CFAP47: variants seen among roughly 807,000 people sequenced by gnomAD.
CFAP47 encodes cilia and flagella associated protein 47.
In CFAP47, 29 loss-of-function variants were observed where a neutral mutation model predicts 148.1. The ratio of observed to expected loss-of-function variants is 0.20; its 90% confidence interval spans 0.15 to 0.27. CFAP47 has a LOEUF of 0.27. Among genes scored for constraint, CFAP47 ranks in the 10% least tolerant of loss-of-function variants. The probability of loss-of-function intolerance (pLI) is 1.00; values close to 1 mark genes in which losing one functional copy is unlikely to be tolerated. For missense variants in CFAP47, 1,872 were observed against 1,697.5 expected, an observed-to-expected ratio of 1.10 and a Z score of -1.81; for synonymous variants, 664 against 577.3, an observed-to-expected ratio of 1.15 and a Z score of -2.15.
chrX:35,986,791 T>C (rs753851340), intron 15 of CFAP47, among the ~76,000 whole-genome samples: 1 of 111,441 alleles, frequency 9.0e-6, no homozygotes, highest in African/African-American at 3.3e-5. Context: ...GATGGAGTTT[T>C]TGTGTGGACG....
At chrX:36,042,107 A>G (rs899620725) in intron 25 of CFAP47, among the ~76,000 whole-genome samples, 1 of 111,207 alleles carries the variant, frequency 9.0e-6, no homozygotes, top group Non-Finnish European at 1.9e-5. Context: ...TAATTTTTAA[A>G]TCATTCATGG....
At chrX:36,018,690 T>A (rs1601933570) in intron 22 of CFAP47, among the ~76,000 whole-genome samples, 1 of 112,272 alleles carries the variant, frequency 8.9e-6, no homozygotes, top group East Asian at 2.8e-4. Flanking sequence ...CAGGGATAAA[T>A]CCCACTTGGT....
At chrX:35,956,234 C>T (rs1269043824) in intron 8 of CFAP47, 38 bp downstream of exon 8, 2 of 1,021,565 alleles carry the variant, frequency 2.0e-6, no homozygotes, top group African/African-American at 1.9e-5. Flanking sequence ...TGGCAGCTAA[C>T]ATTTTAAGGT....
In CFAP47 at chrX:36,366,968, C is replaced by T. The variant is rs183168731; in HGVS notation, c.9026C>T (p.Ser3009Phe). Residue 3009 changes from serine to phenylalanine, a missense_variant and splice_region_variant, in exon 62 of 64, where the codon TCT (serine) becomes TTT (phenylalanine). Coordinates refer to ENST00000378653, the MANE Select transcript of CFAP47 (RefSeq NM_001304548.2). The stretch of plus-strand genomic sequence containing the variant: ...TAAAATCTCCTTTTATATTCAAGGT[C>T]TCACATAACACTGAAAATAGAGTGC... ...LVFTPKKPLR[S>F]HITLKIECVT... is the part of the protein sequence containing the mutation. 3.6e-6 allele frequency: 4 copies of T among 1,116,169 alleles called. No homozygotes were observed. The highest frequency in any genetic ancestry group is 4.7e-6 in the Non-Finnish European group (4 of 845,845). 92.0% of individuals were successfully genotyped at this position (1,116,169 alleles called of 1,213,427 possible). A position where few individuals can be genotyped will look rare whatever the true frequency, so the allele number is the denominator to read the frequency against.
rs1391549248 is a variant in CFAP47 at position 36,274,933 on chromosome X, G to A, written c.7445-5554G>A. On this transcript the variant is annotated intron_variant, in intron 49 of 63. Transcript: ENST00000378653. ...TCTGATCTTAGAGGAAGAGCTTTCTGTCTTATACCTTACATATGATGTTAC... is the reference window on the plus strand; with the variant it reads ...TCTGATCTTAGAGGAAGAGCTTTCTATCTTATACCTTACATATGATGTTAC... Among the ~76,000 whole-genome samples the A allele has an allele frequency of 2.7e-5, 3 of 111,665 alleles. No individual in the cohort carries two copies. The East Asian group carries it at 8.4e-4, about 31-fold the overall frequency.
intron 63 of CFAP47, among the ~76,000 whole-genome samples, chrX:36,382,853 A>G (rs1301503089): frequency 9.0e-6 from 1 of 111,449 alleles, no homozygotes; most frequent in Non-Finnish European, 1.9e-5. Context: ...TGTTAGTAAT[A>G]TGGAAGTATT....
chrX:36,187,986 T>C (rs1244778869), intron 40 of CFAP47, among the ~76,000 whole-genome samples: 2 of 111,763 alleles, frequency 1.8e-5, no homozygotes, highest in African/African-American at 6.5e-5. Flanking sequence ...AAAATAGTAA[T>C]TGACAGCTTA....
intron 19 of CFAP47, among the ~76,000 whole-genome samples, chrX:35,998,720 T>C (rs1305542021): frequency 9.0e-6 from 1 of 111,686 alleles, no homozygotes; most frequent in Non-Finnish European, 1.9e-5. Flanking sequence ...CCAGGTAGAC[T>C]GACAAATACT....
At chrX:36,288,999 CTT>C (rs34230885) in intron 51 of CFAP47, among the ~76,000 whole-genome samples, 76 of 66,431 alleles carry the variant, frequency 1.1e-3, no homozygotes, top group African/African-American at 4.3e-3. Flanking sequence ...TTCTTTCATC[CTT>C]TTTTTTTTTT....
chrX:36,314,017 A>G (rs1247853867), intron 56 of CFAP47, among the ~76,000 whole-genome samples: 1 of 111,648 alleles, frequency 9.0e-6, no homozygotes, highest in African/African-American at 3.3e-5. Flanking sequence ...AAAATACCCA[A>G]ATTTCTAAAA....
intron 40 of CFAP47, among the ~76,000 whole-genome samples, chrX:36,184,988 T>C (rs373094588): frequency 2.5e-4 from 28 of 111,594 alleles, no homozygotes; most frequent in South Asian, 1.1e-3. Context: ...TTAAAATATT[T>C]CTTTTTACTA....
At chrX:36,275,124 G>T (rs1023730260) in intron 49 of CFAP47, among the ~76,000 whole-genome samples, 6 of 109,205 alleles carry the variant, frequency 5.5e-5, no homozygotes, top group African/African-American at 2.0e-4. Flanking sequence ...GTCTCACTCT[G>T]TCCTCAGGCT....
At chrX:36,184,226 T>C (rs1939781551) in intron 40 of CFAP47, among the ~76,000 whole-genome samples, 1 of 111,847 alleles carries the variant, frequency 8.9e-6, no homozygotes, top group East Asian at 2.8e-4. Context: ...AAAAGTATTT[T>C]GGTATTTTCT....
intron 13 of CFAP47, among the ~76,000 whole-genome samples, chrX:35,972,332 C>T (rs945275815): frequency 1.0e-4 from 11 of 110,446 alleles, no homozygotes; most frequent in Admixed American, 8.7e-4. Flanking sequence ...CGGGTTCAAG[C>T]GATTCTCCTG....
At chrX:35,965,736 A>G (rs1197584284) in intron 8 of CFAP47, among the ~76,000 whole-genome samples, 1 of 111,110 alleles carries the variant, frequency 9.0e-6, no homozygotes, top group Non-Finnish European at 1.9e-5. Flanking sequence ...ATGTGAGACA[A>G]AACAAATATG....
At position 36,138,469 on chromosome X, in the gene CFAP47, G is replaced by T; in HGVS notation, c.5535+5G>T. ...GACTTTGACGTGGAAATACAGGTGG[G>T]TGCCTTTATATTAAACATTCTACAA... On this transcript the variant is annotated splice_donor_5th_base_variant and intron_variant, in intron 35 of 63. Coordinates refer to ENST00000378653, the MANE Select transcript of CFAP47 (RefSeq NM_001304548.2). 1 of 1,139,334 alleles carries T rather than the reference G, an allele frequency of 8.8e-7. No homozygotes were observed. Among genetic ancestry groups the T allele is most frequent in the Non-Finnish European group, 1.2e-6 (1 of 866,447 alleles). The allele number at this position is 1,139,334 out of a possible 1,213,427, so 93.9% of individuals were successfully genotyped here.
intron 3 of CFAP47, among the ~76,000 whole-genome samples, chrX:35,942,270 T>C (rs1351899925): frequency 9.0e-6 from 1 of 111,487 alleles, no homozygotes; most frequent in Admixed American, 9.6e-5. Flanking sequence ...TCTATTCCAC[T>C]AACTGAGAGT....
At chrX:35,927,109 C>G (rs1451387613) in intron 2 of CFAP47, among the ~76,000 whole-genome samples, 1 of 107,926 alleles carries the variant, frequency 9.3e-6, no homozygotes, top group South Asian at 4.2e-4. Flanking sequence ...GAGCCGAGAT[C>G]ACGCCACTGC....
intron 41 of CFAP47, among the ~76,000 whole-genome samples, chrX:36,189,199 TGG>T (rs1161455587): frequency 9.0e-6 from 1 of 111,212 alleles, no homozygotes; most frequent in Admixed American, 9.6e-5. Flanking sequence ...TTAATAATAA[TGG>T]TTATCTCTCA....
Sources: gnomAD v4.1 joint callset for allele counts (sites outside exome capture counted in the v4.1 genomes callset) on GRCh38, gnomAD v4.1.1 for gene constraint, MANE v1.5 for transcripts, NCBI Gene and HGNC (gene_info 2026-07-23, HGNC 2026-07-21) for gene names.